Variants in GRIP1 observed in about 807,000 individuals in gnomAD.
GRIP1 encodes the protein glutamate receptor interacting protein 1.
Under a neutral mutation model 129.9 loss-of-function variants are expected in GRIP1, and 45 were observed. The ratio of observed to expected loss-of-function variants is 0.35; its 90% CI spans 0.27 to 0.44. GRIP1 has a LOEUF of 0.44. GRIP1 is among the 20% of genes least tolerant of loss of function. The pLI is 1.00. For missense variants in GRIP1, 1,196 were observed against 1,396.8 expected (o/e 0.86, Z 2.29); for synonymous variants, 530 against 520.8 (o/e 1.02, Z -0.24).
chr12:66,360,463 TGGACCA>T (rs2054703521), intron 23 of GRIP1, among the ~76,000 whole-genome samples: 1 of 152,208 alleles, frequency 6.6e-6, no homozygotes, highest in Admixed American at 6.5e-5. Flanking sequence ...CCGGAGAACC[TGGACCA>T]TGAACACAGT....
chr12:66,691,648 G>A (rs1244565558), intron 1 of GRIP1, among the ~76,000 whole-genome samples: 2 of 152,160 alleles, frequency 1.3e-5, no homozygotes, highest in Non-Finnish European at 2.9e-5. Context: ...GTGAATGAAA[G>A]TGTCCTCTTT....
intron 1 of GRIP1, among the ~76,000 whole-genome samples, chr12:66,945,154 T>G (rs76939996): frequency 0.015 from 2,333 of 152,298 alleles, 72 homozygotes; most frequent in African/African-American, 0.053. Context: ...TTTTAATATC[T>G]TATTTACTTT....
chr12:66,704,453 A>T (rs954938335), intron 1 of GRIP1, among the ~76,000 whole-genome samples: 6 of 152,074 alleles, frequency 3.9e-5, no homozygotes, highest in African/African-American at 1.4e-4. Flanking sequence ...AGCAAATGGA[A>T]AAAATGGACA....
chr12:66,504,914 C>T (rs2060487158), intron 7 of GRIP1, among the ~76,000 whole-genome samples: 1 of 152,162 alleles, frequency 6.6e-6, no homozygotes, highest in African/African-American at 2.4e-5. Flanking sequence ...CTGATAACCT[C>T]TAAACAATTG....
chr12:66,757,748 T>A (rs2037341991), intron 1 of GRIP1, among the ~76,000 whole-genome samples: 1 of 152,176 alleles, frequency 6.6e-6, no homozygotes, highest in Admixed American at 6.5e-5. Flanking sequence ...TACATCCTCA[T>A]CAACACTTGT....
intron 7 of GRIP1, among the ~76,000 whole-genome samples, chr12:66,491,264 C>T (rs766297929): frequency 6.6e-6 from 1 of 152,080 alleles, no homozygotes; most frequent in Non-Finnish European, 1.5e-5. Flanking sequence ...ACACATATAC[C>T]ACAGAATACT....
chr12:66,362,763 A>G (rs2054850351), intron 23 of GRIP1, among the ~76,000 whole-genome samples: 1 of 151,798 alleles, frequency 6.6e-6, no homozygotes, highest in Admixed American at 6.6e-5. Flanking sequence ...CCAGGACAGA[A>G]GCGATAAGAT....
intron 17 of GRIP1, 102 bp downstream of exon 17, chr12:66,394,106 G>C: frequency 8.6e-7 from 1 of 1,167,542 alleles, no homozygotes; most frequent in South Asian, 1.2e-5. Flanking sequence ...ATTTTTAAAA[G>C]CCAACAGATA....
chr12:66,742,042 T>G (rs1334012206), intron 1 of GRIP1, among the ~76,000 whole-genome samples: 1 of 152,188 alleles, frequency 6.6e-6, no homozygotes, highest in Non-Finnish European at 1.5e-5. Context: ...CCACTGTACC[T>G]TTTTCTTCTC....
At chr12:67,066,379 C>T (rs1452741272) in intron 1 of GRIP1, among the ~76,000 whole-genome samples, 2 of 152,032 alleles carry the variant, frequency 1.3e-5, no homozygotes, top group African/African-American at 2.4e-5. Flanking sequence ...AAGCTAGCAT[C>T]TTGTATTAAT....
intron 1 of GRIP1, among the ~76,000 whole-genome samples, chr12:66,993,788 C>CAAAAAAAAAAAAAAA (rs3051204): frequency 8.6e-6 from 1 of 116,160 alleles, no homozygotes; most frequent in Non-Finnish European, 1.8e-5. Flanking sequence ...GAGGCTGTCT[C>CAAAAAAAAAAAAAAA]AAAAAAAAAA....
At chr12:66,474,028 C>T (rs954423926) in intron 7 of GRIP1, among the ~76,000 whole-genome samples, 4 of 152,034 alleles carry the variant, frequency 2.6e-5, no homozygotes, top group Non-Finnish European at 5.9e-5. Flanking sequence ...TAATAACAAA[C>T]TCCTCTGAGC....
intron 1 of GRIP1, among the ~76,000 whole-genome samples, chr12:66,947,151 C>T (rs965808327): frequency 6.6e-6 from 1 of 152,154 alleles, no homozygotes; most frequent in African/African-American, 2.4e-5. Flanking sequence ...AGACAGGAAG[C>T]TCATCTCCTC....
At chr12:66,859,282 AACAAAAAAACAAAAAAAC>A (rs2040066172) in intron 1 of GRIP1, among the ~76,000 whole-genome samples, 6 of 13,818 alleles carry the variant, frequency 4.3e-4, no homozygotes, top group Admixed American at 1.3e-3. Context: ...AAAACAAAAA[AACAAAAAAACAAAAAAAC>A]AAAAAAAAAC....
intron 1 of GRIP1, among the ~76,000 whole-genome samples, chr12:66,644,289 G>T (rs1182236248): frequency 6.6e-6 from 1 of 152,102 alleles, no homozygotes; most frequent in Non-Finnish European, 1.5e-5. Context: ...TTACTCTGAT[G>T]ATCAGAAAAA....
At chr12:66,383,124 C>T (rs1451952282) in intron 19 of GRIP1, among the ~76,000 whole-genome samples, 1 of 151,928 alleles carries the variant, frequency 6.6e-6, no homozygotes, top group Admixed American at 6.6e-5. Context: ...TAGCGAAAGC[C>T]CATCACTACT....
At chr12:66,689,735 A>C (rs2034911292) in intron 1 of GRIP1, among the ~76,000 whole-genome samples, 1 of 152,002 alleles carries the variant, frequency 6.6e-6, no homozygotes, top group Non-Finnish European at 1.5e-5. Flanking sequence ...AGTATTATTA[A>C]CTATAGTCAC....
intron 1 of GRIP1, among the ~76,000 whole-genome samples, chr12:66,883,024 T>G (rs550559379): frequency 4.6e-5 from 7 of 152,022 alleles, no homozygotes; most frequent in African/African-American, 1.7e-4. Flanking sequence ...CTCCCACCCC[T>G]CACATTACAT....
At chr12:66,917,968 A>G (rs2041153529) in intron 1 of GRIP1, among the ~76,000 whole-genome samples, 1 of 152,006 alleles carries the variant, frequency 6.6e-6, no homozygotes, top group Non-Finnish European at 1.5e-5. Flanking sequence ...ACACACACAC[A>G]CACACACGGA....
Sources: allele counts gnomAD v4.1 joint callset (sites outside exome capture counted in the v4.1 genomes callset), GRCh38; gene constraint gnomAD v4.1.1; transcripts MANE v1.5; gene names NCBI Gene and HGNC (gene_info 2026-07-23, HGNC 2026-07-21).